PRR5L: variants seen among roughly 807,000 people sequenced by gnomAD.
The protein encoded by PRR5L is proline-rich protein 5-like.
A neutral mutation model predicts 36.4 loss-of-function variants in PRR5L; 21 were observed. That is an observed-to-expected ratio of 0.58 (90% confidence interval 0.41 to 0.83). PRR5L has a LOEUF of 0.83. Ranked by LOEUF, PRR5L falls within the 40% of genes least tolerant of loss-of-function variation. The pLI is 0.00. For synonymous variants in PRR5L, 188 were observed against 197.0 expected, an observed-to-expected ratio of 0.95 and a Z score of 0.38; for missense variants, 381 against 473.3, an observed-to-expected ratio of 0.80 and a Z score of 1.81.
intron 1 of PRR5L, among the ~76,000 whole-genome samples, chr11:36,306,668 A>G (rs561532232): frequency 6.6e-6 from 1 of 152,130 alleles, no homozygotes; most frequent in Admixed American, 6.5e-5. Context: ...GTTGCCTTCT[A>G]ATAAAGGCTT....
At chr11:36,335,356 T>A (rs1856758746) in intron 1 of PRR5L, among the ~76,000 whole-genome samples, 1 of 152,154 alleles carries the variant, frequency 6.6e-6, no homozygotes, top group South Asian at 2.1e-4. Context: ...TGAGCCACCA[T>A]GCTTGGCTGA....
chr11:36,367,872 AAG>A (rs1857160395), intron 1 of PRR5L, among the ~76,000 whole-genome samples: 1 of 152,016 alleles, frequency 6.6e-6, no homozygotes, highest in Non-Finnish European at 1.5e-5. Context: ...TTAATATAAT[AAG>A]GGAATCTAAT....
chr11:36,455,611 G>A (rs139052287), intron 8 of PRR5L, among the ~76,000 whole-genome samples: 1 of 152,304 alleles, frequency 6.6e-6, no homozygotes, highest in African/African-American at 2.4e-5. Flanking sequence ...AGCCCCAGGG[G>A]GTACCCACAG....
intron 7 of PRR5L, among the ~76,000 whole-genome samples, chr11:36,449,729 G>A (rs11033624): frequency 0.016 from 2,365 of 152,228 alleles, 62 homozygotes; most frequent in African/African-American, 0.055. Context: ...TTCATTTTAC[G>A]CTGGACCACA....
chr11:36,465,079 TAGG>T lies in PRR5L; in HGVS notation c.*2345_*2347del, dbSNP rs1377765457. On this transcript the variant is annotated 3_prime_UTR_variant, in exon 9 of 9. Transcript: ENST00000530639. ...CTAGATTCATTTTCATTATTTATGCTAGGATTTTCTTATGGTTGACATTTGATG... is the reference window on the plus strand; with the variant it reads ...CTAGATTCATTTTCATTATTTATGCTATTTTCTTATGGTTGACATTTGATG... The T allele has an allele frequency of 6.6e-6, 1 of 152,194 alleles. No individual in the cohort carries two copies. The highest frequency in any genetic ancestry group is 2.4e-5 in the African/African-American group (1 of 41,448). 9.4% of individuals were successfully genotyped at this position (152,194 alleles called of 1,614,324 possible). A position where few individuals can be genotyped will look rare whatever the true frequency, so the allele number is the denominator to read the frequency against.
At chr11:36,441,462 G>A (rs892967980) in intron 6 of PRR5L, among the ~76,000 whole-genome samples, 1 of 152,248 alleles carries the variant, frequency 6.6e-6, no homozygotes, top group Non-Finnish European at 1.5e-5. Context: ...ACATACTGAT[G>A]CAAAGGATGG....
intron 1 of PRR5L, among the ~76,000 whole-genome samples, chr11:36,324,354 T>G (rs1856640028): frequency 6.6e-6 from 1 of 152,134 alleles, no homozygotes; most frequent in Admixed American, 6.5e-5. Context: ...CTGACAATAT[T>G]TATAGATGTC....
intron 8 of PRR5L, among the ~76,000 whole-genome samples, chr11:36,453,586 C>T (rs1204882689): frequency 6.6e-6 from 1 of 152,120 alleles, no homozygotes; most frequent in Non-Finnish European, 1.5e-5. Flanking sequence ...CAAATGTGTA[C>T]TAAGACCCTG....
chr11:36,425,824 A>AG (rs1367360681), intron 4 of PRR5L: 1 of 152,078 alleles, frequency 6.6e-6, no homozygotes, highest in Non-Finnish European at 1.5e-5. Flanking sequence ...AGAGGAAAAA[A>AG]AAAAACTGGA....
chr11:36,406,975 T>A (rs1857924622), intron 3 of PRR5L, among the ~76,000 whole-genome samples: 2 of 152,214 alleles, frequency 1.3e-5, no homozygotes, highest in African/African-American at 4.8e-5. Flanking sequence ...GAAATGAGGA[T>A]AATAATAGCA....
rs1490721997 is a variant in PRR5L, at chr11:36,403,464, T to G, written c.245+86T>G. On this transcript the variant is annotated intron_variant, in intron 3 of 8. Transcript: ENST00000530639. ...GCTACCGCCTTAGGAGCCTTAAGGG[T>G]TTTTTTTTTTTTTTTCCTGCTTGAT... 110 of 306,680 alleles carry G rather than the reference T, an allele frequency of 3.6e-4. No homozygotes were observed. In the South Asian group the frequency reaches 4.2e-3, roughly 12 times the overall value. The allele number at this position is 306,680 out of a possible 1,614,324, so 19.0% of individuals were successfully genotyped here. A position where few individuals can be genotyped will look rare whatever the true frequency, so the allele number is the denominator to read the frequency against.
chr11:36,399,980 C>T (rs1355881798), intron 1 of PRR5L, among the ~76,000 whole-genome samples: 1 of 152,232 alleles, frequency 6.6e-6, no homozygotes, highest in Non-Finnish European at 1.5e-5. Flanking sequence ...TCAGTGTGTT[C>T]AAAGTCACAC....
At chr11:36,356,654 T>C (rs1030327437) in intron 1 of PRR5L, among the ~76,000 whole-genome samples, 3 of 152,224 alleles carry the variant, frequency 2.0e-5, no homozygotes, top group South Asian at 4.1e-4. Flanking sequence ...TTATCAGTTA[T>C]GGTGATCTAT....
chr11:36,385,911 T>C (rs938081578), intron 1 of PRR5L, among the ~76,000 whole-genome samples: 1 of 152,232 alleles, frequency 6.6e-6, no homozygotes, highest in African/African-American at 2.4e-5. Context: ...GACCCAAGTT[T>C]AGTCAGCAGC....
At chr11:36,351,362 A>G (rs1856946442) in intron 1 of PRR5L, among the ~76,000 whole-genome samples, 2 of 87,442 alleles carry the variant, frequency 2.3e-5, no homozygotes, top group South Asian at 7.4e-4. Context: ...AAATATATAT[A>G]AATATATATA....
intron 1 of PRR5L, among the ~76,000 whole-genome samples, chr11:36,372,976 T>TTGTG (rs36076560): frequency 0.037 from 5,454 of 146,702 alleles, 110 homozygotes; most frequent in East Asian, 0.056. Context: ...TGCCTAATAG[T>TTGTG]TGTGTGTGTG....
chr11:36,372,144 G>A (rs968288121), intron 1 of PRR5L, among the ~76,000 whole-genome samples: 1 of 152,176 alleles, frequency 6.6e-6, no homozygotes, highest in African/African-American at 2.4e-5. Flanking sequence ...TTCAGAGATG[G>A]AAGCAGTTAA....
At chr11:36,358,078 C>T (rs1857047642) in intron 1 of PRR5L, among the ~76,000 whole-genome samples, 1 of 152,166 alleles carries the variant, frequency 6.6e-6, no homozygotes, top group African/African-American at 2.4e-5. Flanking sequence ...TAATGAGTGA[C>T]AGTGGTTTCT....
intron 4 of PRR5L, among the ~76,000 whole-genome samples, chr11:36,426,830 G>A (rs1858392825): frequency 6.6e-6 from 1 of 152,326 alleles, no homozygotes; most frequent in South Asian, 2.1e-4. Flanking sequence ...CAGCCTTAGT[G>A]TTTACAGAAT....
Sources: gnomAD v4.1 joint callset for allele counts (sites outside exome capture counted in the v4.1 genomes callset) on GRCh38, gnomAD v4.1.1 for gene constraint, MANE v1.5 for transcripts, NCBI Gene and HGNC (gene_info 2026-07-23, HGNC 2026-07-21) for gene names.